ASCC2: variants seen among roughly 807,000 people sequenced by gnomAD.
The protein encoded by ASCC2 is activating signal cointegrator 1 complex subunit 2, also known as ASC-1 complex subunit P100.
In ASCC2, 42 loss-of-function variants were observed where a neutral mutation model predicts 93.5. That is an observed-to-expected ratio of 0.45 (90% CI 0.35 to 0.58). ASCC2 has a LOEUF of 0.58. Among genes scored for constraint, ASCC2 ranks in the 20% least tolerant of loss-of-function variants. The pLI is 0.00. For synonymous variants in ASCC2, 364 were observed against 384.2 expected (o/e 0.95, Z 0.62); for missense variants, 859 against 977.6 (o/e 0.88, Z 1.62).
At chr22:29,818,738 C>T (rs1354834465) in intron 5 of ASCC2, among the ~76,000 whole-genome samples, 3 of 152,094 alleles carry the variant, frequency 2.0e-5, no homozygotes, top group East Asian at 3.9e-4. Context: ...CCCATCACCA[C>T]GCAGTCCCCT....
At chr22:29,836,104 G>A (rs995679260) in intron 1 of ASCC2, among the ~76,000 whole-genome samples, 5 of 152,084 alleles carry the variant, frequency 3.3e-5, no homozygotes, top group African/African-American at 1.2e-4. Flanking sequence ...AGGTTGCAAT[G>A]AGCCATGATA....
chr22:29,804,950 A>T, intron 12 of ASCC2, 120 bp from the exon 13 acceptor site: 2 of 1,059,344 alleles, frequency 1.9e-6, no homozygotes, highest in Non-Finnish European at 2.8e-6. Flanking sequence ...GGCTATATCT[A>T]AGTGGTATAG....
At position 29,825,328 on chromosome 22, in the gene ASCC2, G is replaced by A; in HGVS notation, c.241-71C>T. On this transcript the variant is annotated intron_variant, in intron 3 of 19. Transcript: ENST00000307790. This position sits in a 1 kb window ranked among gnomAD's most constrained non-coding sequence, Gnocchi z 4.9. Reference sequence around the variant, plus strand: ...CAGGGGCTTGTGGGTGGACTGTGCAGGGACTCAATGCCCATCAGCCCTGCC... The same window carrying A: ...CAGGGGCTTGTGGGTGGACTGTGCAAGGACTCAATGCCCATCAGCCCTGCC... 6.8e-7 allele frequency: 1 copy of A among 1,475,442 alleles called. No individual in the cohort carries two copies. The highest frequency in any genetic ancestry group is 9.1e-7 in the Non-Finnish European group (1 of 1,097,200). The allele number at this position is 1,475,442 out of a possible 1,614,324, so 91.4% of individuals were successfully genotyped here.
Position 29,825,560 on chromosome 22 carries a change from C to G in ASCC2, c.240+62G>C, listed in dbSNP as rs2062190115. The G allele has an allele frequency of 1.2e-6, 2 of 1,610,148 alleles. No individual in the cohort carries two copies. The highest frequency in any genetic ancestry group is 1.7e-6 in the Non-Finnish European group (2 of 1,176,754). On this transcript the variant is annotated intron_variant, in intron 3 of 19. Transcript: ENST00000307790. This position sits in a 1 kb window ranked among gnomAD's most constrained non-coding sequence, Gnocchi z 4.9. ...CCTCCTAGGGGAAGAAAAACAACAA[C>G]AGCAACCAACCAATGGCATGTCATG...
chr22:29,836,732 T>A (rs2063839330), intron 1 of ASCC2, among the ~76,000 whole-genome samples: 1 of 152,096 alleles, frequency 6.6e-6, no homozygotes, highest in African/African-American at 2.4e-5. Context: ...TTTGTATTTT[T>A]AGTAGAGAGA....
intron 5 of ASCC2, among the ~76,000 whole-genome samples, chr22:29,821,029 C>T (rs976602550): frequency 5.9e-5 from 9 of 152,062 alleles, no homozygotes; most frequent in Admixed American, 5.9e-4. Context: ...GTGAGGAGAG[C>T]TGGCAAGGGC....
chr22:29,813,974 T>C (rs185034027), intron 7 of ASCC2, among the ~76,000 whole-genome samples: 1 of 152,346 alleles, frequency 6.6e-6, no homozygotes, highest in African/African-American at 2.4e-5. Flanking sequence ...TTACACACTT[T>C]CCTGGTTCTC....
Position 29,834,013 on chromosome 22 carries a change from T to C in ASCC2, c.-17-1671A>G, listed in dbSNP as rs149581502. 1.1e-3 allele frequency: 186 copies of C among 165,586 alleles called. 2 individuals are homozygous for C. The South Asian group carries it at 0.016, about 14-fold the overall frequency. The allele number at this position is 165,586 out of a possible 1,614,324, so 10.3% of individuals were successfully genotyped here. A position where few individuals can be genotyped will look rare whatever the true frequency, so the allele number is the denominator to read the frequency against. On this transcript the variant is annotated intron_variant, in intron 1 of 19. Transcript: ENST00000307790. Reference sequence around the variant, plus strand: ...ATTATAGGTGTGAGCGCCTGGCCTCTAAGTGCTCTTCTCAGCATTAACTTA... The same window carrying C: ...ATTATAGGTGTGAGCGCCTGGCCTCCAAGTGCTCTTCTCAGCATTAACTTA...
intron 15 of ASCC2, among the ~76,000 whole-genome samples, chr22:29,797,816 C>A (rs528062942): frequency 1.3e-5 from 2 of 152,224 alleles, no homozygotes; most frequent in South Asian, 4.1e-4. Flanking sequence ...CCCAGGATGG[C>A]GTGCAATGGT....
chr22:29,833,653 G>A (rs775166662), intron 1 of ASCC2: 7 of 470,406 alleles, frequency 1.5e-5, no homozygotes, highest in East Asian at 6.9e-5. Flanking sequence ...AATGAATCAC[G>A]GAATAGAAGT....
chr22:29,806,561 A>G lies in ASCC2; in HGVS notation c.1017-8T>C, dbSNP rs2059696275. The stretch of plus-strand genomic sequence containing the variant: ...CCCTGAATGTTGTCACAGCTAGAAC[A>G]AGACACCAGGGAAGATGAGCTCATG... On this transcript the variant is annotated splice_polypyrimidine_tract_variant and splice_region_variant and intron_variant, in intron 10 of 19. Coordinates refer to ENST00000307790, the MANE Select transcript of ASCC2 (RefSeq NM_032204.5). 8 of 1,612,376 alleles carry G rather than the reference A, an allele frequency of 5.0e-6. No homozygotes were observed. The highest frequency in any genetic ancestry group is 5.9e-6 in the Non-Finnish European group (7 of 1,178,800).
In ASCC2 at chr22:29,793,393, T is replaced by A; in HGVS notation, c.1886A>T (p.Asp629Val). ...GATGAGCTCGTCATCAGAGTCTGCA[T>A]CATTGGCGCCCACCTGGTTGCCATC... ...TYDGNQVGAN[D>V]ADSDDELISR... Residue 629 changes from aspartate (D) to valine (V), a missense_variant, in exon 17 of 20, where the codon GAT (aspartate) becomes GTT (valine). Transcript: ENST00000307790. The A allele has an allele frequency of 6.2e-7, 1 of 1,613,982 alleles. No homozygotes were observed. The highest frequency in any genetic ancestry group is 8.5e-7 in the Non-Finnish European group (1 of 1,180,014).
At chr22:29,790,425 A>G (rs1167159584) in intron 19 of ASCC2, 44 bp downstream of exon 19, 2 of 1,607,998 alleles carry the variant, frequency 1.2e-6, no homozygotes, top group Non-Finnish European at 1.7e-6. Flanking sequence ...CCCTCCCCAG[A>G]TGGTGGGAGG....
At chr22:29,796,096 G>A (rs190128068) in intron 15 of ASCC2, among the ~76,000 whole-genome samples, 51 of 151,708 alleles carry the variant, frequency 3.4e-4, no homozygotes, top group African/African-American at 1.1e-3. Context: ...GCGGGCTAGG[G>A]TTTGCCTCCC....
In ASCC2 at chr22:29,790,452, G is replaced by C. The variant is rs765480387; in HGVS notation, c.2102+17C>G. 6.2e-7 allele frequency: 1 copy of C among 1,613,744 alleles called. No homozygotes were observed. Among genetic ancestry groups the C allele is most frequent in the Non-Finnish European group, 8.5e-7 (1 of 1,179,886 alleles). On this transcript the variant is annotated intron_variant, in intron 19 of 19. Coordinates refer to ENST00000307790, the MANE Select transcript of ASCC2 (RefSeq NM_032204.5). ...GGTGGGAGGGGTCCCCCCAGAAGCA[G>C]CCCCTTGAATGCTCACCCTTTCTTG...
At chr22:29,833,577 T>A (rs1290027543) in intron 1 of ASCC2, 6 of 471,106 alleles carry the variant, frequency 1.3e-5, no homozygotes, top group South Asian at 9.3e-5. Context: ...AGGTCTCCTG[T>A]CTTGCTGTCC....
At chr22:29,820,294 C>T (rs1334077374) in intron 5 of ASCC2, among the ~76,000 whole-genome samples, 1 of 152,026 alleles carries the variant, frequency 6.6e-6, no homozygotes, top group Admixed American at 6.6e-5. Context: ...TCCCGGGTAG[C>T]TGGGATTACA....
At chr22:29,837,972 C>A (rs1041286662) in intron 1 of ASCC2, among the ~76,000 whole-genome samples, 18 of 152,238 alleles carry the variant, frequency 1.2e-4, no homozygotes, top group African/African-American at 4.3e-4. Context: ...GCTGGTCCAA[C>A]GCCACTCTGG....
At chr22:29,801,802 T>C (rs1159152099) in intron 14 of ASCC2, among the ~76,000 whole-genome samples, 192 bp downstream of exon 14, 1 of 151,998 alleles carries the variant, frequency 6.6e-6, no homozygotes, top group Non-Finnish European at 1.5e-5. Flanking sequence ...CTCTCTGCCC[T>C]GCCTGGGGCA....
Sources: allele counts gnomAD v4.1 joint callset (sites outside exome capture counted in the v4.1 genomes callset), GRCh38; gene constraint gnomAD v4.1.1; non-coding constraint Gnocchi (gnomAD v3.1); transcripts MANE v1.5; gene names NCBI Gene and HGNC (gene_info 2026-07-23, HGNC 2026-07-21).